TMEM232: variants seen among roughly 807,000 people sequenced by gnomAD.
The protein encoded by TMEM232 is transmembrane protein 232.
In TMEM232, 80 loss-of-function variants were observed where a neutral mutation model predicts 78.8. The observed-to-expected ratio is 1.01, with a 90% confidence interval of 0.85 to 1.22. The LOEUF (loss-of-function observed/expected upper bound fraction) is 1.22. Ranked by LOEUF, TMEM232 falls within the 50% of genes most tolerant of loss-of-function variation. The probability of loss-of-function intolerance (pLI) is 0.00; values close to 1 mark genes in which losing one functional copy is unlikely to be tolerated. For synonymous variants in TMEM232, 297 were observed against 254.3 expected, an observed-to-expected ratio of 1.17 and a Z score of -1.60; for missense variants, 881 against 742.2, an observed-to-expected ratio of 1.19 and a Z score of -2.17.
At chr5:110,456,087 T>C (rs893872467) in intron 12 of TMEM232, among the ~76,000 whole-genome samples, 1 of 152,182 alleles carries the variant, frequency 6.6e-6, no homozygotes, top group Non-Finnish European at 1.5e-5. Context: ...TTAATAAAAA[T>C]TGTCTTTATT....
chr5:110,590,167 T>A (rs767073645), intron 10 of TMEM232, among the ~76,000 whole-genome samples: 15 of 152,162 alleles, frequency 9.9e-5, no homozygotes, highest in Non-Finnish European at 1.6e-4. Context: ...CTTCAGTTAT[T>A]GCCAGAGACC....
At chr5:110,476,925 C>T (rs189504344) in intron 12 of TMEM232, among the ~76,000 whole-genome samples, 69 of 151,862 alleles carry the variant, frequency 4.5e-4, no homozygotes, top group Non-Finnish European at 7.5e-4. Flanking sequence ...AGGATGATAA[C>T]GTAGATGGTG....
intron 1 of TMEM232, 93 bp from the exon 2 acceptor site, chr5:110,667,457 G>A (rs1167736611): frequency 1.0e-6 from 1 of 994,596 alleles, no homozygotes; most frequent in African/African-American, 1.7e-5. Context: ...GAAAAGAATA[G>A]CAAGAACTAA....
At chr5:110,679,544 A>AT (rs541294638) in intron 1 of TMEM232, among the ~76,000 whole-genome samples, 2 of 151,852 alleles carry the variant, frequency 1.3e-5, no homozygotes, top group East Asian at 3.9e-4. Flanking sequence ...GACCTTATCA[A>AT]TTTTTTTTCA....
intron 8 of TMEM232, among the ~76,000 whole-genome samples, chr5:110,609,841 C>T (rs1246694154): frequency 5.3e-5 from 8 of 151,922 alleles, no homozygotes; most frequent in Non-Finnish European, 1.0e-4. Flanking sequence ...GAAGAGGGAA[C>T]TATATAAGAC....
chr5:110,409,664 C>A (rs147511205), intron 2 of TMEM232, among the ~76,000 whole-genome samples: 1 of 152,182 alleles, frequency 6.6e-6, no homozygotes, highest in Admixed American at 6.5e-5. Flanking sequence ...TCCTGTTCCC[C>A]CATCTGTTGA....
chr5:110,434,880 C>T (rs1272808552), intron 12 of TMEM232, among the ~76,000 whole-genome samples: 1 of 151,894 alleles, frequency 6.6e-6, no homozygotes, highest in African/African-American at 2.4e-5. Context: ...ATAAATTCAG[C>T]AAATGCATTT....
intron 5 of TMEM232, among the ~76,000 whole-genome samples, chr5:110,630,450 A>T (rs1396435243): frequency 6.6e-6 from 1 of 152,104 alleles, no homozygotes; most frequent in African/African-American, 2.4e-5. Flanking sequence ...CTATAATCTC[A>T]CATGTCGGGG....
At chr5:110,444,003 AGAAG>A (rs1052164929) in intron 12 of TMEM232, among the ~76,000 whole-genome samples, 1 of 152,138 alleles carries the variant, frequency 6.6e-6, no homozygotes, top group Non-Finnish European at 1.5e-5. Flanking sequence ...CTTCTTAAAT[AGAAG>A]GAAGGAATTG....
intron 12 of TMEM232, among the ~76,000 whole-genome samples, chr5:110,526,508 A>C (rs1770626056): frequency 6.6e-6 from 1 of 151,984 alleles, no homozygotes; most frequent in South Asian, 2.1e-4. Context: ...TGTATTTAGA[A>C]ACCATATTTT....
intron 12 of TMEM232, among the ~76,000 whole-genome samples, chr5:110,524,381 AAGAAAGAAAG>A (rs1770142444): frequency 1.4e-5 from 1 of 71,148 alleles, no homozygotes; most frequent in Non-Finnish European, 2.6e-5. Flanking sequence ...GAAAGAAAGA[AAGAAAGAAAG>A]AAAGAAAGAA....
At chr5:110,479,406 A>G (rs888627531) in intron 12 of TMEM232, among the ~76,000 whole-genome samples, 6 of 151,638 alleles carry the variant, frequency 4.0e-5, no homozygotes, top group Non-Finnish European at 7.4e-5. Flanking sequence ...ATAAGGAAAT[A>G]AAAAAAATTA....
chr5:110,456,369 A>C (rs989756411), intron 12 of TMEM232, among the ~76,000 whole-genome samples: 1 of 152,110 alleles, frequency 6.6e-6, no homozygotes, highest in Non-Finnish European at 1.5e-5. Context: ...ATATGCAACA[A>C]AGTAAAAAAA....
intron 1 of TMEM232, among the ~76,000 whole-genome samples, chr5:110,691,183 T>G (rs1405667643): frequency 6.8e-6 from 1 of 147,042 alleles, no homozygotes; most frequent in East Asian, 2.0e-4. Context: ...CTTTGGACAA[T>G]GAGGAAAATG....
At chr5:110,559,966 T>C (rs939513778) in intron 11 of TMEM232, among the ~76,000 whole-genome samples, 1 of 152,180 alleles carries the variant, frequency 6.6e-6, no homozygotes, top group African/African-American at 2.4e-5. Context: ...GTTTTCACGA[T>C]TGCCTTCTTA....
chr5:110,728,764 A>G (rs1398190616), upstream of TMEM232, among the ~76,000 whole-genome samples: 1 of 150,806 alleles, frequency 6.6e-6, no homozygotes, highest in East Asian at 1.9e-4. Context: ...TAGGAAAATA[A>G]GCATGTCAAA....
chr5:110,402,035 C>T (rs1755621089), intron 2 of TMEM232, among the ~76,000 whole-genome samples: 1 of 152,002 alleles, frequency 6.6e-6, no homozygotes, highest in Non-Finnish European at 1.5e-5. Context: ...GTCTTTGGCA[C>T]ATGTCTCTAT....
At position 110,528,982 on chromosome 5, in the gene TMEM232, A is replaced by G. The variant is rs1156945716; in HGVS notation, c.1456-147T>C. ...TTAAGTAAAAATAATCTTTATAAAA[A>G]AATTGCAGTTTTCCAAAAGACTTCA... is the stretch of plus-strand genomic sequence containing the variant. On this transcript the variant is annotated intron_variant, in intron 11 of 13. Coordinates refer to ENST00000455884, the MANE Select transcript of TMEM232 (RefSeq NM_001039763.4). The G allele has an allele frequency of 5.5e-6, 5 of 906,366 alleles. No homozygotes were observed. In the East Asian group the frequency reaches 1.8e-4, roughly 32 times the overall value. The allele number at this position is 906,366 out of a possible 1,614,324, so 56.1% of individuals were successfully genotyped here.
chr5:110,423,018 A>C (rs1368265735), intron 13 of TMEM232, among the ~76,000 whole-genome samples: 1 of 152,208 alleles, frequency 6.6e-6, no homozygotes, highest in East Asian at 1.9e-4. Context: ...AAGGTACCTT[A>C]ATATCTCCTA....
Sources: gnomAD v4.1 joint callset for allele counts (sites outside exome capture counted in the v4.1 genomes callset) on GRCh38, gnomAD v4.1.1 for gene constraint, MANE v1.5 for transcripts, NCBI Gene and HGNC (gene_info 2026-07-23, HGNC 2026-07-21) for gene names.